The following ASCC1 variants were observed in gnomAD, a reference collection of about 807,000 sequenced individuals.
The protein encoded by ASCC1 is ASC-1 complex subunit P50.
Under a neutral mutation model 46.6 loss-of-function variants are expected in ASCC1, and 35 were observed. The ratio of observed to expected loss-of-function variants is 0.75; its 90% CI spans 0.57 to 0.99. The LOEUF (loss-of-function observed/expected upper bound fraction) is 0.99, where lower values mean the gene tolerates loss of function less well. ASCC1 is among the 50% of genes least tolerant of loss of function. The pLI, the probability that ASCC1 is intolerant of heterozygous loss-of-function variation, is 0.00. For missense variants in ASCC1, 376 were observed against 428.7 expected (o/e 0.88, Z 1.09); for synonymous variants, 143 against 146.6 (o/e 0.98, Z 0.18).
intron 5 of ASCC1, among the ~76,000 whole-genome samples, chr10:72,167,497 T>A (rs1007533551): frequency 6.6e-6 from 1 of 152,128 alleles, no homozygotes; most frequent in Non-Finnish European, 1.5e-5. Context: ...GTGATGGAAA[T>A]GTTCTAAAGC....
At chr10:72,207,639 A>C (rs1037142781) in intron 3 of ASCC1, among the ~76,000 whole-genome samples, 2 of 152,112 alleles carry the variant, frequency 1.3e-5, no homozygotes, top group Non-Finnish European at 2.9e-5. Context: ...TGGGATTTTC[A>C]GAAGTTCCCC....
chr10:72,158,228 G>A (rs1849221843), intron 6 of ASCC1, among the ~76,000 whole-genome samples: 1 of 152,192 alleles, frequency 6.6e-6, no homozygotes, highest in Admixed American at 6.5e-5. Context: ...TTACATCTGG[G>A]ACACCAGTAA....
intron 5 of ASCC1, among the ~76,000 whole-genome samples, chr10:72,172,874 A>G (rs1851373940): frequency 8.0e-6 from 1 of 124,560 alleles, no homozygotes; most frequent in African/African-American, 2.9e-5. Context: ...TATATATTAT[A>G]TATTATATTT....
chr10:72,129,992 A>C (rs1290051826), intron 8 of ASCC1, among the ~76,000 whole-genome samples: 1 of 151,040 alleles, frequency 6.6e-6, no homozygotes, highest in Non-Finnish European at 1.5e-5. Context: ...AAAAAAAAAA[A>C]AAAAAAAAAA....
intron 4 of ASCC1, among the ~76,000 whole-genome samples, chr10:72,200,988 T>C (rs1856414819): frequency 6.6e-6 from 1 of 152,098 alleles, no homozygotes; most frequent in Non-Finnish European, 1.5e-5. Flanking sequence ...TAGCAATATC[T>C]CAAGTACTCA....
chr10:72,107,016 T>C (rs185640313), intron 9 of ASCC1, among the ~76,000 whole-genome samples: 1 of 152,256 alleles, frequency 6.6e-6, no homozygotes, highest in East Asian at 1.9e-4. Flanking sequence ...GAGCAAATGA[T>C]GTGAAAAGCT....
intron 5 of ASCC1, among the ~76,000 whole-genome samples, chr10:72,166,511 AC>A (rs35711106): frequency 0.032 from 4,730 of 146,164 alleles, 268 homozygotes; most frequent in African/African-American, 0.12. Context: ...CAAAAAAAAA[AC>A]AAAACCCACA....
At chr10:72,213,116 A>C in intron 2 of ASCC1, 71 bp downstream of exon 2, 1 of 1,118,462 alleles carries the variant, frequency 8.9e-7, no homozygotes, top group Admixed American at 1.8e-5. Flanking sequence ...ACATTAAAAC[A>C]AACAAAAAAT....
chr10:72,129,440 C>T (rs1845295402), intron 8 of ASCC1, among the ~76,000 whole-genome samples: 1 of 152,054 alleles, frequency 6.6e-6, no homozygotes, highest in South Asian at 2.1e-4. Flanking sequence ...GAGGCTGAAG[C>T]AGAAGGACCA....
At chr10:72,134,583 G>A (rs1433417548) in intron 7 of ASCC1, 1 of 152,262 alleles carries the variant, frequency 6.6e-6, no homozygotes, top group Non-Finnish European at 1.5e-5. Context: ...CCTTTCTATA[G>A]ATTTTCTCCA....
chr10:72,127,372 C>A (rs1455207681), intron 9 of ASCC1, among the ~76,000 whole-genome samples: 2 of 152,132 alleles, frequency 1.3e-5, no homozygotes. Flanking sequence ...TCCTGAAGAA[C>A]CCCTTTACTT....
chr10:72,196,855 C>G lies in ASCC1; in HGVS notation c.445G>C (p.Gly149Arg). 6.2e-7 allele frequency: 1 copy of G among 1,613,318 alleles called. No homozygotes were observed. The highest frequency in any genetic ancestry group is 8.5e-7 in the Non-Finnish European group (1 of 1,179,908). Residue 149 changes from glycine (G) to arginine (R), a missense_variant, in exon 5 of 10, where the codon GGA (glycine) becomes CGA (arginine). By Grantham distance (125) the Gly-to-Arg change is moderately radical (BLOSUM62 -2). Coordinates refer to ENST00000672957, the MANE Select transcript of ASCC1 (RefSeq NM_001198800.3). Reference sequence around the variant, plus strand: ...ACTTCCTCCTGGAATCTCAGGAATCCTTCCTGAACCTCAACTTCATTGAGG... The same window carrying G: ...ACTTCCTCCTGGAATCTCAGGAATCGTTCCTGAACCTCAACTTCATTGAGG... ...FFLNEVEVQEGFLRFQEEVLA... is the reference protein window; with the variant it reads ...FFLNEVEVQERFLRFQEEVLA...
In ASCC1 at chr10:72,097,307, A is replaced by C; in HGVS notation, c.*27T>G. ...TCTTCAGCACCTGGTGAAGATGTTT[A>C]GTTTCTAGTGCTTTCCAAGATCCAC... On this transcript the variant is annotated 3_prime_UTR_variant, in exon 10 of 10. Coordinates refer to ENST00000672957, the MANE Select transcript of ASCC1 (RefSeq NM_001198800.3). 1 of 1,440,932 alleles carries C rather than the reference A, an allele frequency of 6.9e-7. No homozygotes were observed. The highest frequency in any genetic ancestry group is 9.8e-7 in the Non-Finnish European group (1 of 1,022,788). 89.3% of individuals were successfully genotyped at this position (1,440,932 alleles called of 1,614,324 possible). A position where few individuals can be genotyped will look rare whatever the true frequency, so the allele number is the denominator to read the frequency against.
chr10:72,179,103 C>T (rs1852230202), intron 5 of ASCC1, among the ~76,000 whole-genome samples: 1 of 152,068 alleles, frequency 6.6e-6, no homozygotes, highest in African/African-American at 2.4e-5. Context: ...GAAAGCTCTG[C>T]TGCTTGTTTT....
At chr10:72,202,598 C>T (rs1441495860) in intron 4 of ASCC1, among the ~76,000 whole-genome samples, 3 of 152,128 alleles carry the variant, frequency 2.0e-5, no homozygotes, top group African/African-American at 7.2e-5. Context: ...TTGGTACAGA[C>T]ACTTTCTAAC....
intron 9 of ASCC1, among the ~76,000 whole-genome samples, chr10:72,108,802 T>C (rs1445984188): frequency 6.6e-6 from 1 of 152,156 alleles, no homozygotes; most frequent in Non-Finnish European, 1.5e-5. Flanking sequence ...CTGACTATAA[T>C]CTCTAATGCA....
chr10:72,168,935 T>C (rs1450482945), intron 5 of ASCC1, among the ~76,000 whole-genome samples: 2 of 152,204 alleles, frequency 1.3e-5, no homozygotes, highest in African/African-American at 4.8e-5. Flanking sequence ...TGGTATTCTA[T>C]GACAGCAGCC....
At chr10:72,134,999 T>C (rs1488405079) in intron 7 of ASCC1, among the ~76,000 whole-genome samples, 1 of 152,150 alleles carries the variant, frequency 6.6e-6, no homozygotes, top group Non-Finnish European at 1.5e-5. Context: ...CACATAACTC[T>C]GTCAAGAAAC....
chr10:72,185,541 AG>A (rs370927060), intron 5 of ASCC1, among the ~76,000 whole-genome samples: 5 of 152,352 alleles, frequency 3.3e-5, no homozygotes, highest in African/African-American at 1.2e-4. Flanking sequence ...AACCAAAAAA[AG>A]TCACACAAAA....
Sources: gnomAD v4.1 joint callset for allele counts (sites outside exome capture counted in the v4.1 genomes callset) on GRCh38, gnomAD v4.1.1 for gene constraint, MANE v1.5 for transcripts, NCBI Gene and HGNC (gene_info 2026-07-23, HGNC 2026-07-21) for gene names.